LIPH: variants seen among roughly 807,000 people sequenced by gnomAD.
LIPH encodes the protein lipase H.
A neutral mutation model predicts 47.6 loss-of-function variants in LIPH; 32 were observed. The ratio of observed to expected loss-of-function variants is 0.67; its 90% confidence interval spans 0.51 to 0.90. The LOEUF (loss-of-function observed/expected upper bound fraction) is 0.90. Among genes scored for constraint, LIPH ranks in the 40% least tolerant of loss-of-function variants. The probability of loss-of-function intolerance (pLI) is 0.00; values close to 1 mark genes in which losing one functional copy is unlikely to be tolerated. For synonymous variants in LIPH, 190 were observed against 195.6 expected (o/e 0.97, Z 0.24); for missense variants, 497 against 541.4 (o/e 0.92, Z 0.81).
chr3:185,548,870 AC>A (rs1194877181), intron 1 of LIPH, among the ~76,000 whole-genome samples: 1 of 152,172 alleles, frequency 6.6e-6, no homozygotes, highest in Admixed American at 6.5e-5. Flanking sequence ...ATGGTGGCTC[AC>A]ACCCGTAATC....
chr3:185,528,012 C>T (rs1475977943), intron 3 of LIPH, among the ~76,000 whole-genome samples: 5 of 151,600 alleles, frequency 3.3e-5, no homozygotes, highest in Non-Finnish European at 4.4e-5. Flanking sequence ...ATCATGAGGT[C>T]AAGAGATCAA....
intron 1 of LIPH, among the ~76,000 whole-genome samples, chr3:185,548,916 G>A (rs76113573): frequency 0.048 from 7,290 of 151,842 alleles, 286 homozygotes; most frequent in East Asian, 0.24. Context: ...GGGGGATCAC[G>A]AGGTCAAGAG....
chr3:185,529,952 A>G (rs1577678014), intron 3 of LIPH, among the ~76,000 whole-genome samples: 2 of 56,368 alleles, frequency 3.5e-5, no homozygotes, highest in African/African-American at 9.6e-5. Flanking sequence ...GAAAGAAAGA[A>G]AGAAAGAAAG....
intron 1 of LIPH, among the ~76,000 whole-genome samples, chr3:185,543,912 A>T (rs955255444): frequency 7.2e-6 from 1 of 138,302 alleles, no homozygotes; most frequent in African/African-American, 2.8e-5. Context: ...GTGCAATGGC[A>T]TGGTCTCGGC....
At chr3:185,514,855 G>A (rs1013432969) in intron 7 of LIPH, among the ~76,000 whole-genome samples, 1 of 152,062 alleles carries the variant, frequency 6.6e-6, no homozygotes, top group East Asian at 1.9e-4. Flanking sequence ...ACCAACTAAG[G>A]GGCCATTCGG....
chr3:185,540,095 C>G (rs577770096), intron 1 of LIPH, among the ~76,000 whole-genome samples: 2 of 152,276 alleles, frequency 1.3e-5, no homozygotes, highest in East Asian at 3.9e-4. Context: ...TTCTCAGGTG[C>G]CAAACTGCCT....
chr3:185,547,781 C>T (rs549013886), intron 1 of LIPH, among the ~76,000 whole-genome samples: 3 of 150,312 alleles, frequency 2.0e-5, no homozygotes, highest in Non-Finnish European at 4.4e-5. Context: ...GCCGAGATCG[C>T]GCCACTGCAC....
chr3:185,528,360 G>A (rs1020034366), intron 3 of LIPH, among the ~76,000 whole-genome samples: 3 of 16,126 alleles, frequency 1.9e-4, no homozygotes, highest in South Asian at 2.1e-3. Flanking sequence ...GAAAGAAAGC[G>A]CTATACTCAT....
intron 1 of LIPH, among the ~76,000 whole-genome samples, chr3:185,548,275 G>A (rs142886686): frequency 0.013 from 1,941 of 151,936 alleles, 19 homozygotes; most frequent in Non-Finnish European, 0.02. Flanking sequence ...CGTGGTGGTG[G>A]GCACCGGTAG....
intron 1 of LIPH, among the ~76,000 whole-genome samples, chr3:185,543,164 A>G (rs918951528): frequency 6.6e-6 from 1 of 152,122 alleles, no homozygotes; most frequent in African/African-American, 2.4e-5. Context: ...AGCTGAGATC[A>G]TGCCACTGCA....
At chr3:185,548,482 C>A (rs1453929486) in intron 1 of LIPH, among the ~76,000 whole-genome samples, 1 of 151,686 alleles carries the variant, frequency 6.6e-6, no homozygotes, top group Non-Finnish European at 1.5e-5. Context: ...AATCCTAGCA[C>A]TTTGGGAGGC....
In LIPH at chr3:185,506,379, T is replaced by A. The variant is rs939993335; in HGVS notation, c.*2411A>T. ...ATCCATTCATTCACCCATCTACCCA[T>A]CCTACAGTGAGCCAGGTACTGAGAG... On this transcript the variant is annotated 3_prime_UTR_variant, in exon 10 of 10. Transcript: ENST00000296252. The A allele has an allele frequency of 1.3e-5, 2 of 152,012 alleles. No individual in the cohort carries two copies. Among genetic ancestry groups the A allele is most frequent in the African/African-American group, 4.8e-5 (2 of 41,374 alleles). 9.4% of individuals were successfully genotyped at this position (152,012 alleles called of 1,614,324 possible). A position where few individuals can be genotyped will look rare whatever the true frequency, so the allele number is the denominator to read the frequency against.
intron 4 of LIPH, among the ~76,000 whole-genome samples, chr3:185,527,005 C>G (rs1173127485): frequency 6.6e-6 from 1 of 152,014 alleles, no homozygotes; most frequent in Admixed American, 6.6e-5. Flanking sequence ...TTTGGGAGGC[C>G]GAGGCGGGCG....
chr3:185,543,394 G>T lies in LIPH; in HGVS notation c.50-8262C>A, dbSNP rs541048497. Among the ~76,000 whole-genome samples, 62 of 152,286 alleles carry T rather than the reference G, an allele frequency of 4.1e-4. No homozygotes were observed. In the Middle Eastern group the frequency reaches 0.017, roughly 42 times the overall value. ...TAAGTCCAATGTTAATGAATCAACAGTATATATTAAATCAGATGCCTTTAA... is the reference window on the plus strand; with the variant it reads ...TAAGTCCAATGTTAATGAATCAACATTATATATTAAATCAGATGCCTTTAA... On this transcript the variant is annotated intron_variant, in intron 1 of 9. Coordinates refer to ENST00000296252, the MANE Select transcript of LIPH (RefSeq NM_139248.3).
chr3:185,507,509 G>A lies in LIPH; in HGVS notation c.*1281C>T, dbSNP rs943592474. On this transcript the variant is annotated 3_prime_UTR_variant, in exon 10 of 10. Transcript: ENST00000296252. The stretch of plus-strand genomic sequence containing the variant: ...CTTCCTGCAGTGGCCACAGCCATGG[G>A]ACAGATCATGCCTCCCCTCACACTG... 1 of 152,222 alleles carries A rather than the reference G, an allele frequency of 6.6e-6. No individual in the cohort carries two copies. Among genetic ancestry groups the A allele is most frequent in the African/African-American group, 2.4e-5 (1 of 41,452 alleles). 9.4% of individuals were successfully genotyped at this position (152,222 alleles called of 1,614,324 possible). A position where few individuals can be genotyped will look rare whatever the true frequency, so the allele number is the denominator to read the frequency against.
Position 185,534,862 on chromosome 3 carries a change from TCAA to T in LIPH, c.317_319del (p.Val106del), listed in dbSNP as rs1433542768. 2.3e-5 allele frequency: 37 copies of T among 1,614,054 alleles called. No individual in the cohort carries two copies. The highest frequency in any genetic ancestry group is 3.0e-5 in the Non-Finnish European group (35 of 1,179,996). ...TAAAGTTGTAGCTCCTCGATTCCAA[TCAA>T]CAACAACTACGTTCATGTCTTCAAC... On this transcript the variant is annotated inframe_deletion, in exon 2 of 10. Transcript: ENST00000296252.
chr3:185,538,890 TACGTATATAC>T (rs1202460092), intron 1 of LIPH, among the ~76,000 whole-genome samples: 1 of 143,010 alleles, frequency 7.0e-6, no homozygotes, highest in Non-Finnish European at 1.5e-5. Context: ...TATACATATA[TACGTATATAC>T]ACATATACAC....
Position 185,535,143 on chromosome 3 carries a change from A to C in LIPH, c.50-11T>G, listed in dbSNP as rs376306956. ...ATGTTTCTTCTGCGTCTGAAAATAA[A>C]AATTAGATGGCATCACGACAGGTCT... On this transcript the variant is annotated splice_polypyrimidine_tract_variant and intron_variant, in intron 1 of 9. Transcript: ENST00000296252. The C allele has an allele frequency of 6.9e-5, 112 of 1,613,594 alleles. No homozygotes were observed. The highest frequency in any genetic ancestry group is 9.2e-5 in the Non-Finnish European group (108 of 1,180,030).
intron 5 of LIPH, 147 bp downstream of exon 5, chr3:185,523,924 G>A (rs1397627159): frequency 6.6e-6 from 4 of 603,496 alleles, no homozygotes; most frequent in South Asian, 5.3e-5. Flanking sequence ...GTTTCACTAT[G>A]TTGGCCAGGC....
Sources: allele counts gnomAD v4.1 joint callset (sites outside exome capture counted in the v4.1 genomes callset), GRCh38; gene constraint gnomAD v4.1.1; transcripts MANE v1.5; gene names NCBI Gene and HGNC (gene_info 2026-07-23, HGNC 2026-07-21).